FILIP1: variants seen among roughly 807,000 people sequenced by gnomAD.
FILIP1 encodes the protein filamin-A-interacting protein 1.
A neutral mutation model predicts 102.1 loss-of-function variants in FILIP1; 61 were observed. The ratio of observed to expected loss-of-function variants is 0.60; its 90% CI spans 0.49 to 0.74. FILIP1 has a LOEUF of 0.74. Among genes scored for constraint, FILIP1 ranks in the 30% least tolerant of loss-of-function variants. The probability of loss-of-function intolerance (pLI) is 0.00; values close to 1 mark genes in which losing one functional copy is unlikely to be tolerated. For missense variants in FILIP1, 1,314 were observed against 1,441.2 expected (o/e 0.91, Z 1.43); for synonymous variants, 491 against 526.9 (o/e 0.93, Z 0.93).
At chr6:75,470,001 G>A (rs949198449) in intron 1 of FILIP1, among the ~76,000 whole-genome samples, 1 of 152,022 alleles carries the variant, frequency 6.6e-6, no homozygotes, top group African/African-American at 2.4e-5. Flanking sequence ...TGTCTGTAAG[G>A]TCAAAAACAG....
intron 2 of FILIP1, among the ~76,000 whole-genome samples, chr6:75,400,081 A>G (rs1776600296): frequency 6.6e-6 from 1 of 152,136 alleles, no homozygotes; most frequent in African/African-American, 2.4e-5. Flanking sequence ...TCTGTGGAAA[A>G]AATAGGTAAA....
chr6:75,447,550 T>A (rs945050117), intron 1 of FILIP1, among the ~76,000 whole-genome samples: 4 of 152,148 alleles, frequency 2.6e-5, no homozygotes, highest in Non-Finnish European at 4.4e-5. Context: ...CAAACTGAGA[T>A]GATTTAAAAT....
At chr6:75,462,538 G>A (rs574135803) in intron 1 of FILIP1, among the ~76,000 whole-genome samples, 44 of 151,982 alleles carry the variant, frequency 2.9e-4, no homozygotes, top group African/African-American at 1.0e-3. Context: ...TGCAAATAAG[G>A]TTAAATCTTA....
chr6:75,436,677 C>G (rs915890897), intron 1 of FILIP1, among the ~76,000 whole-genome samples: 14 of 152,184 alleles, frequency 9.2e-5, no homozygotes, highest in Non-Finnish European at 1.8e-4. Context: ...GAGAATTCAT[C>G]TCTTTCTAAC....
At chr6:75,461,417 G>A (rs996897586) in intron 1 of FILIP1, among the ~76,000 whole-genome samples, 7 of 152,064 alleles carry the variant, frequency 4.6e-5, no homozygotes, top group Admixed American at 3.9e-4. Context: ...TTTTTCCTTT[G>A]CCTAAACTTA....
intron 1 of FILIP1, among the ~76,000 whole-genome samples, chr6:75,420,369 AG>A (rs1777416484): frequency 6.6e-6 from 1 of 152,080 alleles, no homozygotes; most frequent in Admixed American, 6.6e-5. Context: ...ATTAGCATGG[AG>A]TCTAAAAGAA....
rs759694545 is a variant in FILIP1, at chr6:75,362,562, A to G, written c.450+182T>C. Reference sequence around the variant, plus strand: ...GTATGTTTAAAGAGAAGCTTCTACAATTCTTAACATTGAAGCTTATCCACT... The same window carrying G: ...GTATGTTTAAAGAGAAGCTTCTACAGTTCTTAACATTGAAGCTTATCCACT... On this transcript the variant is annotated intron_variant, in intron 3 of 5. Coordinates refer to ENST00000237172, the MANE Select transcript of FILIP1 (RefSeq NM_015687.5). Among the ~76,000 whole-genome samples, 21 of 152,256 alleles carry G rather than the reference A, an allele frequency of 1.4e-4. 1 individual carries two copies. Among genetic ancestry groups the G allele is most frequent in the Non-Finnish European group, 2.6e-4 (18 of 68,036 alleles).
At chr6:75,430,754 A>G (rs1187910870) in intron 1 of FILIP1, among the ~76,000 whole-genome samples, 1 of 152,226 alleles carries the variant, frequency 6.6e-6, no homozygotes, top group Admixed American at 6.5e-5. Flanking sequence ...TGCTAAGATC[A>G]TAAGAAATTA....
intron 2 of FILIP1, among the ~76,000 whole-genome samples, chr6:75,365,228 A>C (rs953557758): frequency 6.6e-6 from 1 of 151,982 alleles, no homozygotes; most frequent in African/African-American, 2.4e-5. Flanking sequence ...AATATAAAAA[A>C]ATTAAAAAGA....
At chr6:75,402,154 C>T (rs888533375) in intron 2 of FILIP1, among the ~76,000 whole-genome samples, 5 of 152,206 alleles carry the variant, frequency 3.3e-5, no homozygotes, top group South Asian at 2.1e-4. Context: ...AACACCAATG[C>T]GGACATTATT....
At chr6:75,467,676 C>G (rs138401738) in intron 1 of FILIP1, among the ~76,000 whole-genome samples, 1 of 152,070 alleles carries the variant, frequency 6.6e-6, no homozygotes, top group Non-Finnish European at 1.5e-5. Flanking sequence ...AATTTTAGAA[C>G]GAATTTTTTA....
intron 2 of FILIP1, among the ~76,000 whole-genome samples, chr6:75,384,021 C>T (rs990377782): frequency 1.3e-5 from 2 of 152,076 alleles, no homozygotes; most frequent in Non-Finnish European, 2.9e-5. Flanking sequence ...AATTTCGTTG[C>T]CACTAATACT....
chr6:75,455,381 G>C (rs1286855570), intron 1 of FILIP1: 1 of 151,610 alleles, frequency 6.6e-6, no homozygotes, highest in Non-Finnish European at 1.5e-5. Context: ...AATTGTGAGA[G>C]TTTTTTTCAT....
chr6:75,313,967 G>A lies in FILIP1; in HGVS notation c.1865C>T (p.Thr622Ile). 6.2e-7 allele frequency: 1 copy of A among 1,602,796 alleles called. No homozygotes were observed. The highest frequency in any genetic ancestry group is 8.5e-7 in the Non-Finnish European group (1 of 1,175,540). Reference sequence around the variant, plus strand: ...CTTAATCTTATTATCTTCCGGGCAGGTGAGCTCAGACCCTTTTCGTGACCT... The same window carrying A: ...CTTAATCTTATTATCTTCCGGGCAGATGAGCTCAGACCCTTTTCGTGACCT... ...RGRSRKGSEL[T>I]CPEDNKIKEL... is the part of the protein sequence containing the mutation. The change falls in exon 5 of 6, where the codon ACC (threonine) becomes ATC (isoleucine). Residue 622 changes from threonine to isoleucine, a missense_variant. Coordinates refer to ENST00000237172, the MANE Select transcript of FILIP1 (RefSeq NM_015687.5). This position sits in a 1 kb window ranked among gnomAD's most constrained non-coding sequence, Gnocchi z 4.2.
At chr6:75,318,212 T>A (rs1184306969) in intron 4 of FILIP1, among the ~76,000 whole-genome samples, 1 of 149,608 alleles carries the variant, frequency 6.7e-6, no homozygotes, top group Non-Finnish European at 1.5e-5. Flanking sequence ...TCCTATAATA[T>A]CAATTATTAT....
chr6:75,450,653 A>G (rs961654208), intron 1 of FILIP1, among the ~76,000 whole-genome samples: 1 of 82,614 alleles, frequency 1.2e-5, no homozygotes, highest in Non-Finnish European at 2.4e-5. Context: ...CTTAAAAAAG[A>G]AAAAAAAAAA....
chr6:75,461,794 T>C (rs1289887719), intron 1 of FILIP1, among the ~76,000 whole-genome samples: 3 of 152,192 alleles, frequency 2.0e-5, no homozygotes, highest in African/African-American at 7.2e-5. Flanking sequence ...TCAAGAATTC[T>C]TATTAAGCAC....
intron 2 of FILIP1, among the ~76,000 whole-genome samples, chr6:75,413,344 CA>C (rs1377487839): frequency 1.3e-5 from 2 of 152,122 alleles, no homozygotes; most frequent in Non-Finnish European, 2.9e-5. Context: ...TGTTAATAGA[CA>C]AAAACACTAA....
In FILIP1 at chr6:75,308,751, T is replaced by C; in HGVS notation, c.3582A>G (p.Lys1194=). 6.2e-7 allele frequency: 1 copy of C among 1,613,948 alleles called. No individual in the cohort carries two copies. Among genetic ancestry groups the C allele is most frequent in the Non-Finnish European group, 8.5e-7 (1 of 1,179,982 alleles). ...FEPRAETQSM[K]IELKKSAASS... ...TGGCTGCAGATTTCTTCAGCTCTAT[T>C]TTCATAGACTGAGTCTCAGCTCGAG... is the stretch of plus-strand genomic sequence containing the variant. Residue 1194 remains lysine (K), a synonymous_variant, in exon 6 of 6, where the codon AAA becomes AAG. Transcript: ENST00000237172.
Sources: gnomAD v4.1 joint callset for allele counts (sites outside exome capture counted in the v4.1 genomes callset) on GRCh38, gnomAD v4.1.1 for gene constraint, Gnocchi (gnomAD v3.1) non-coding constraint, MANE v1.5 for transcripts, NCBI Gene and HGNC (gene_info 2026-07-23, HGNC 2026-07-21) for gene names.